The following RBFOX1 variants were observed in gnomAD, a reference collection of about 807,000 sequenced individuals.
The protein encoded by RBFOX1 is RNA binding fox-1 homolog 1.
A neutral mutation model predicts 57.7 loss-of-function variants in RBFOX1; 8 were observed. That is an observed-to-expected ratio of 0.14 (90% confidence interval 0.08 to 0.25). The LOEUF (loss-of-function observed/expected upper bound fraction) is 0.25. Ranked by LOEUF, RBFOX1 falls within the 10% of genes least tolerant of loss-of-function variation. RBFOX1 has a pLI of 1.00. For synonymous variants in RBFOX1, 326 were observed against 222.4 expected (o/e 1.47, Z -4.15); for missense variants, 611 against 548.5 (o/e 1.11, Z -1.14).
chr16:7,274,741 G>T (rs1567991649), intron 4 of RBFOX1, among the ~76,000 whole-genome samples: 1 of 152,028 alleles, frequency 6.6e-6, no homozygotes, highest in African/African-American at 2.4e-5. Context: ...CTGCAGTGCA[G>T]TAAGACAATC....
chr16:6,597,257 A>G (rs982278314), intron 2 of RBFOX1, among the ~76,000 whole-genome samples: 11 of 152,076 alleles, frequency 7.2e-5, no homozygotes, highest in African/African-American at 2.7e-4. Flanking sequence ...ATTCACCTAG[A>G]CTTTGTTTTG....
At position 7,223,727 on chromosome 16, in the gene RBFOX1, A is replaced by AG. The variant is rs1555597282; in HGVS notation, c.27+171629_27+171630insG. 7.9e-5 allele frequency among the ~76,000 whole-genome samples: 12 copies of AG among 151,308 alleles called. No homozygotes were observed. In the South Asian group the frequency reaches 8.3e-4, roughly 10 times the overall value. On this transcript the variant is annotated intron_variant, in intron 4 of 15. Coordinates refer to ENST00000550418, the MANE Select transcript of RBFOX1 (RefSeq NM_018723.4). ...CAGTGTTTCAGAAAAAAAAAAAAAA[A>AG]AAAAGAAAAAGAAATGAGCAAGGCA...
At chr16:6,387,974 ATTTT>A (rs61603572) in intron 2 of RBFOX1, among the ~76,000 whole-genome samples, 5 of 84,152 alleles carry the variant, frequency 5.9e-5, no homozygotes, top group African/African-American at 2.7e-4. Flanking sequence ...TTTGTGGAAC[ATTTT>A]TTTTTTTTTT....
intron 4 of RBFOX1, among the ~76,000 whole-genome samples, chr16:7,249,646 A>G (rs2094437872): frequency 6.6e-6 from 1 of 151,408 alleles, no homozygotes; most frequent in Non-Finnish European, 1.5e-5. Flanking sequence ...GCTGAAGAAT[A>G]AAATCATTGA....
intron 3 of RBFOX1, among the ~76,000 whole-genome samples, chr16:5,819,098 C>G (rs567208717): frequency 1.3e-5 from 2 of 152,258 alleles, no homozygotes; most frequent in Admixed American, 6.5e-5. Context: ...GCCACTATAA[C>G]AAAACACCAC....
chr16:5,716,466 C>T (rs1295247529), intron 3 of RBFOX1, among the ~76,000 whole-genome samples: 6 of 152,334 alleles, frequency 3.9e-5, no homozygotes, highest in Non-Finnish European at 7.3e-5. Flanking sequence ...ACCTCAGCTT[C>T]GCTGATGATT....
chr16:7,618,831 G>A (rs1030237293), intron 10 of RBFOX1, among the ~76,000 whole-genome samples: 13 of 152,122 alleles, frequency 8.5e-5, no homozygotes, highest in African/African-American at 2.9e-4. Context: ...AACTTCATCA[G>A]TGACAGTTAA....
At chr16:6,181,802 C>T (rs2097065240) in intron 1 of RBFOX1, among the ~76,000 whole-genome samples, 1 of 152,002 alleles carries the variant, frequency 6.6e-6, no homozygotes, top group Non-Finnish European at 1.5e-5. Flanking sequence ...CTCAGTGATG[C>T]CGTATAATTA....
chr16:7,695,624 C>T (rs1441537813), intron 14 of RBFOX1, among the ~76,000 whole-genome samples: 2 of 141,554 alleles, frequency 1.4e-5, no homozygotes, highest in African/African-American at 5.3e-5. Flanking sequence ...TGCACTCCGG[C>T]CTGGACGACA....
chr16:6,049,353 CTT>C (rs1180844421), intron 1 of RBFOX1, among the ~76,000 whole-genome samples: 1 of 152,068 alleles, frequency 6.6e-6, no homozygotes, highest in Non-Finnish European at 1.5e-5. Context: ...TTAAATAAAA[CTT>C]AAAGCATATT....
At chr16:6,409,636 C>T (rs1376984386) in intron 2 of RBFOX1, among the ~76,000 whole-genome samples, 1 of 151,954 alleles carries the variant, frequency 6.6e-6, no homozygotes, top group Admixed American at 6.6e-5. Context: ...AGGAAAGAAC[C>T]TGAATGAACA....
At chr16:5,824,178 A>C (rs537706660) in intron 3 of RBFOX1, among the ~76,000 whole-genome samples, 1 of 152,338 alleles carries the variant, frequency 6.6e-6, no homozygotes, top group African/African-American at 2.4e-5. Context: ...CAGAATGATT[A>C]AATTAATTTT....
At position 6,713,207 on chromosome 16, in the gene RBFOX1, C is replaced by G. The variant is rs138788949; in HGVS notation, c.-16+58557C>G. ...TGCGTATCTTCCATCCATCTTCTGC[C>G]TAGAGCCAGGATAATCTTTTCCTTC... is the stretch of plus-strand genomic sequence containing the variant. On this transcript the variant is annotated intron_variant, in intron 3 of 15. Coordinates refer to ENST00000550418, the MANE Select transcript of RBFOX1 (RefSeq NM_018723.4). Among the ~76,000 whole-genome samples, 676 of 152,196 alleles carry G rather than the reference C, an allele frequency of 4.4e-3. 3 individuals carry two copies. The highest frequency in any genetic ancestry group is 0.015 in the African/African-American group (635 of 41,510).
intron 3 of RBFOX1, among the ~76,000 whole-genome samples, chr16:6,661,221 GA>G (rs2098699478): frequency 6.6e-6 from 1 of 152,150 alleles, no homozygotes; most frequent in East Asian, 1.9e-4. Flanking sequence ...AGTTTCAAGA[GA>G]CTTACAAGAC....
chr16:5,493,220 T>C (rs1368610311), intron 2 of RBFOX1, among the ~76,000 whole-genome samples: 2 of 152,218 alleles, frequency 1.3e-5, no homozygotes, highest in Admixed American at 1.3e-4. Context: ...TTTATTTGCT[T>C]ATTTTCATTT....
intron 3 of RBFOX1, among the ~76,000 whole-genome samples, chr16:6,671,931 G>C (rs544232821): frequency 1.3e-5 from 2 of 152,156 alleles, no homozygotes; most frequent in Admixed American, 6.6e-5. Context: ...AAACTGTTGC[G>C]ACTACTAAGT....
chr16:7,380,162 A>G (rs1168216128), intron 4 of RBFOX1, among the ~76,000 whole-genome samples: 1 of 152,142 alleles, frequency 6.6e-6, no homozygotes, highest in Non-Finnish European at 1.5e-5. Flanking sequence ...GCCAGTATTT[A>G]TGTTTTGCTG....
At chr16:5,955,385 A>AG (rs2059615556) in intron 4 of RBFOX1, among the ~76,000 whole-genome samples, 1 of 61,644 alleles carries the variant, frequency 1.6e-5, no homozygotes, top group Non-Finnish European at 3.5e-5. Flanking sequence ...ATAAAATAAA[A>AG]TAAAATAAAA....
intron 3 of RBFOX1, among the ~76,000 whole-genome samples, chr16:6,769,745 A>T (rs966544930): frequency 6.6e-6 from 1 of 152,188 alleles, no homozygotes; most frequent in African/African-American, 2.4e-5. Flanking sequence ...TTTGGGTACA[A>T]ATCTAACAAA....
Sources: allele counts gnomAD v4.1 joint callset (sites outside exome capture counted in the v4.1 genomes callset), GRCh38; gene constraint gnomAD v4.1.1; transcripts MANE v1.5; gene names NCBI Gene and HGNC (gene_info 2026-07-23, HGNC 2026-07-21).